The following CAMTA1 variants were observed in gnomAD, a reference collection of about 807,000 sequenced individuals.
CAMTA1 encodes calmodulin-binding transcription activator 1.
Under a neutral mutation model 170.9 loss-of-function variants are expected in CAMTA1, and 27 were observed. That is an observed-to-expected ratio of 0.16 (90% CI 0.12 to 0.22). CAMTA1 has a LOEUF of 0.22. CAMTA1 is among the 10% of genes least tolerant of loss of function. The probability of loss-of-function intolerance (pLI) is 1.00; values close to 1 mark genes in which losing one functional copy is unlikely to be tolerated. For synonymous variants in CAMTA1, 833 were observed against 891.5 expected, an observed-to-expected ratio of 0.93 and a Z score of 1.17; for missense variants, 1,619 against 2,217.2, an observed-to-expected ratio of 0.73 and a Z score of 5.42.
At chr1:7,000,915 A>G (rs1003974039) in intron 3 of CAMTA1, among the ~76,000 whole-genome samples, 32 of 152,168 alleles carry the variant, frequency 2.1e-4, no homozygotes, top group African/African-American at 7.7e-4. Context: ...GACAGGTCCC[A>G]TTGCTCTCAG....
At chr1:7,493,298 CAT>C (rs2093762242) in intron 6 of CAMTA1, among the ~76,000 whole-genome samples, 2 of 129,740 alleles carry the variant, frequency 1.5e-5, no homozygotes, top group South Asian at 2.7e-4. Context: ...CAAACACAAA[CAT>C]ACAAATGCGC....
At chr1:7,115,981 C>G (rs938079428) in intron 4 of CAMTA1, among the ~76,000 whole-genome samples, 1 of 152,190 alleles carries the variant, frequency 6.6e-6, no homozygotes, top group African/African-American at 2.4e-5. Flanking sequence ...ATCCACACAT[C>G]CAGAATCATG....
intron 4 of CAMTA1, among the ~76,000 whole-genome samples, chr1:7,244,772 T>G (rs1209493675): frequency 6.6e-6 from 1 of 151,978 alleles, no homozygotes; most frequent in Non-Finnish European, 1.5e-5. Context: ...GGGATAGCAT[T>G]AGGAGATATA....
intron 3 of CAMTA1, among the ~76,000 whole-genome samples, chr1:6,826,162 C>G (rs914407829): frequency 2.0e-5 from 3 of 152,188 alleles, no homozygotes; most frequent in African/African-American, 7.2e-5. Context: ...CTTCCTGATT[C>G]AGAATGCTTT....
chr1:6,876,643 G>A (rs1056494158), intron 3 of CAMTA1, among the ~76,000 whole-genome samples: 8 of 152,188 alleles, frequency 5.3e-5, no homozygotes, highest in African/African-American at 1.7e-4. Flanking sequence ...GATTACCGTG[G>A]TGAGCTGCTG....
chr1:6,832,795 T>C (rs1445444835), intron 3 of CAMTA1, among the ~76,000 whole-genome samples: 1 of 152,196 alleles, frequency 6.6e-6, no homozygotes, highest in African/African-American at 2.4e-5. Context: ...AAAATGAAAA[T>C]GCATATAAAC....
At chr1:6,798,436 T>C (rs1314471533) in intron 1 of CAMTA1, among the ~76,000 whole-genome samples, 1 of 152,170 alleles carries the variant, frequency 6.6e-6, no homozygotes, top group Non-Finnish European at 1.5e-5. Context: ...CAGAATTATT[T>C]ATTTATTTAT....
At chr1:7,761,997 T>A (rs28658017) in intron 22 of CAMTA1, among the ~76,000 whole-genome samples, 41 of 152,042 alleles carry the variant, frequency 2.7e-4, no homozygotes, top group Non-Finnish European at 3.8e-4. Context: ...GACAAAAAAA[T>A]TTTAAAATTA....
intron 6 of CAMTA1, among the ~76,000 whole-genome samples, chr1:7,624,281 C>A (rs1206276721): frequency 2.0e-5 from 3 of 152,230 alleles, no homozygotes; most frequent in Non-Finnish European, 4.4e-5. Context: ...CAGAACCCTG[C>A]CTATGCGATT....
At chr1:6,801,896 G>A (rs1643891844) in intron 1 of CAMTA1, among the ~76,000 whole-genome samples, 1 of 151,770 alleles carries the variant, frequency 6.6e-6, no homozygotes, top group African/African-American at 2.4e-5. Context: ...TTTAATATTT[G>A]CAATATTTAT....
chr1:7,239,204 T>TA lies in CAMTA1; in HGVS notation c.303-10280dup, dbSNP rs555748399. ...CTTCTCTAAAAGATAAGTTCTCTTT[T>TA]AAAAAAATACTTCTGCACTACACTG... On this transcript the variant is annotated intron_variant, in intron 4 of 22. Transcript: ENST00000303635. 1.3e-3 allele frequency among the ~76,000 whole-genome samples: 191 copies of TA among 152,280 alleles called. 1 individual carries two copies. Among genetic ancestry groups the TA allele is most frequent in the African/African-American group, 4.4e-3 (182 of 41,546 alleles).
intron 1 of CAMTA1, among the ~76,000 whole-genome samples, chr1:6,793,184 G>T (rs1167920317): frequency 6.6e-6 from 1 of 152,118 alleles, no homozygotes; most frequent in Non-Finnish European, 1.5e-5. Flanking sequence ...GTGCAGTTCA[G>T]TCGCTAGTTT....
rs1012870310 is a variant in CAMTA1 at position 6,785,590 on chromosome 1, G to C, written c.45+15G>C. On this transcript the variant is annotated intron_variant, in intron 1 of 22. Transcript: ENST00000303635. Reference sequence around the variant, plus strand: ...CAAGCCGGAAGGTAAGAGCCGGAGCGCGAGGGGCTGGGGGGCGGCGCGGCG... The same window carrying C: ...CAAGCCGGAAGGTAAGAGCCGGAGCCCGAGGGGCTGGGGGGCGGCGCGGCG... 12 of 1,040,666 alleles carry C rather than the reference G, an allele frequency of 1.2e-5. No individual in the cohort carries two copies. The African/African-American group carries it at 2.1e-4, about 18-fold the overall frequency. The allele number at this position is 1,040,666 out of a possible 1,614,324, so 64.5% of individuals were successfully genotyped here. A position where few individuals can be genotyped will look rare whatever the true frequency, so the allele number is the denominator to read the frequency against.
chr1:7,533,907 T>A (rs1166513845), intron 6 of CAMTA1, among the ~76,000 whole-genome samples: 1 of 151,936 alleles, frequency 6.6e-6, no homozygotes, highest in Non-Finnish European at 1.5e-5. Flanking sequence ...GAGCGAGACC[T>A]TGTCCCCCCA....
chr1:7,716,416 A>T (rs1236048227), intron 11 of CAMTA1, among the ~76,000 whole-genome samples: 1 of 152,218 alleles, frequency 6.6e-6, no homozygotes, highest in African/African-American at 2.4e-5. Flanking sequence ...TATTTTATCC[A>T]GAATCCAGCT....
chr1:7,614,105 C>A (rs1272509311), intron 6 of CAMTA1, among the ~76,000 whole-genome samples: 6 of 148,740 alleles, frequency 4.0e-5, no homozygotes, highest in Admixed American at 6.6e-5. Context: ...GCAGGCCTGA[C>A]CCAGAGGGGT....
At chr1:7,660,935 G>A (rs1232757937) in intron 7 of CAMTA1, among the ~76,000 whole-genome samples, 4 of 152,236 alleles carry the variant, frequency 2.6e-5, no homozygotes, top group African/African-American at 9.6e-5. Context: ...CTCCAGCTGA[G>A]AAAACTGCTC....
chr1:7,036,883 C>G (rs1016556063), intron 3 of CAMTA1, among the ~76,000 whole-genome samples: 3 of 152,212 alleles, frequency 2.0e-5, no homozygotes, highest in African/African-American at 4.8e-5. Flanking sequence ...TTGCAGAGGT[C>G]TCTCTTCGTG....
chr1:7,097,752 G>T (rs543958768), intron 4 of CAMTA1, among the ~76,000 whole-genome samples: 2 of 152,216 alleles, frequency 1.3e-5, no homozygotes, highest in African/African-American at 4.8e-5. Context: ...TAAGCCAGAC[G>T]CAAAGAGCCA....
Sources: allele counts gnomAD v4.1 joint callset (sites outside exome capture counted in the v4.1 genomes callset), GRCh38; gene constraint gnomAD v4.1.1; transcripts MANE v1.5; gene names NCBI Gene and HGNC (gene_info 2026-07-23, HGNC 2026-07-21).